IQCM: variants seen among roughly 807,000 people sequenced by gnomAD.
IQCM encodes IQ domain-containing protein M.
Under a neutral mutation model 57.6 loss-of-function variants are expected in IQCM, and 45 were observed. That is an observed-to-expected ratio of 0.78 (90% CI 0.62 to 1.00). IQCM has a LOEUF of 1.00. Ranked by LOEUF, IQCM falls within the 50% of genes least tolerant of loss-of-function variation. The pLI, the probability that IQCM is intolerant of heterozygous loss-of-function variation, is 0.00. For synonymous variants in IQCM, 148 were observed against 158.9 expected (o/e 0.93, Z 0.51); for missense variants, 468 against 511.6 (o/e 0.91, Z 0.82).
chr4:149,367,219 T>A (rs1729905664), intron 13 of IQCM, among the ~76,000 whole-genome samples: 1 of 152,016 alleles, frequency 6.6e-6, no homozygotes, highest in Admixed American at 6.6e-5. Context: ...TTTATAGCAC[T>A]CATTTTTTAA....
chr4:149,445,406 T>C (rs1033161995), intron 12 of IQCM, among the ~76,000 whole-genome samples: 12 of 151,882 alleles, frequency 7.9e-5, no homozygotes, highest in African/African-American at 2.2e-4. Context: ...ATTATCATGC[T>C]TTTTAGTTTG....
chr4:149,481,723 G>GTTTTTTTTTGTTTTTTTTTTTTTTTTT (rs1740903527), intron 12 of IQCM, among the ~76,000 whole-genome samples: 3 of 9,346 alleles, frequency 3.2e-4, no homozygotes, highest in African/African-American at 9.5e-4. Context: ...TTTTTTTTTT[G>GTTTTTTTTTGTTTTTTTTTTTTTTTTT]CTTTTTGCTT....
intron 12 of IQCM, among the ~76,000 whole-genome samples, chr4:149,480,174 TC>T (rs1187709636): frequency 6.6e-6 from 1 of 152,192 alleles, no homozygotes; most frequent in Non-Finnish European, 1.5e-5. Context: ...TTAGTTTTTT[TC>T]TTTTTAATTT....
chr4:149,437,028 A>G (rs1735428534), intron 12 of IQCM, among the ~76,000 whole-genome samples: 1 of 152,128 alleles, frequency 6.6e-6, no homozygotes, highest in East Asian at 1.9e-4. Flanking sequence ...AAGATACTGA[A>G]GCATAGGGAG....
intron 12 of IQCM, among the ~76,000 whole-genome samples, chr4:149,495,792 G>T (rs1742593757): frequency 6.6e-6 from 1 of 152,008 alleles, no homozygotes. Flanking sequence ...AGAAAAGTTT[G>T]GGAAAATACT....
At chr4:149,806,099 A>G (rs1052183517) in intron 2 of IQCM, among the ~76,000 whole-genome samples, 5 of 151,704 alleles carry the variant, frequency 3.3e-5, no homozygotes, top group East Asian at 1.9e-4. Context: ...TTTGATTGTC[A>G]AAATATGCAA....
chr4:149,407,511 A>G (rs923414156), intron 13 of IQCM, among the ~76,000 whole-genome samples: 1 of 151,900 alleles, frequency 6.6e-6, no homozygotes, highest in Non-Finnish European at 1.5e-5. Context: ...CTATTATTCC[A>G]CTCAATGTCC....
chr4:149,514,100 A>AT (rs1479812118), intron 12 of IQCM, among the ~76,000 whole-genome samples: 2 of 152,158 alleles, frequency 1.3e-5, no homozygotes, highest in South Asian at 2.1e-4. Flanking sequence ...GTAAAAAAAA[A>AT]GAAACCAATG....
chr4:149,589,056 C>T (rs915073626), intron 8 of IQCM, among the ~76,000 whole-genome samples: 1 of 151,918 alleles, frequency 6.6e-6, no homozygotes, highest in African/African-American at 2.4e-5. Context: ...AAAAACTGGG[C>T]CATTGCCTGT....
intron 2 of IQCM, among the ~76,000 whole-genome samples, chr4:149,813,938 A>G (rs972422227): frequency 1.3e-5 from 2 of 152,070 alleles, no homozygotes; most frequent in African/African-American, 4.8e-5. Flanking sequence ...CCAAAGCTTC[A>G]TTACAAACCT....
chr4:149,658,827 T>C (rs1347855245), intron 7 of IQCM, among the ~76,000 whole-genome samples: 2 of 152,110 alleles, frequency 1.3e-5, no homozygotes, highest in African/African-American at 2.4e-5. Context: ...GTTGATTTTG[T>C]ATTGTGAAAC....
intron 13 of IQCM, among the ~76,000 whole-genome samples, chr4:149,354,220 C>G (rs11940251): frequency 0.29 from 42,188 of 147,524 alleles, 6,153 homozygotes; most frequent in Middle Eastern, 0.33. Flanking sequence ...AAAAATTAGC[C>G]GGGCGTAGTG....
At chr4:149,633,116 G>C (rs1426895507) in intron 7 of IQCM, among the ~76,000 whole-genome samples, 12 of 139,306 alleles carry the variant, frequency 8.6e-5, no homozygotes, top group Admixed American at 2.3e-4. Flanking sequence ...AGCCGAGATT[G>C]CGCCACTGCA....
At chr4:149,485,593 T>C (rs1741388686) in intron 12 of IQCM, among the ~76,000 whole-genome samples, 1 of 152,086 alleles carries the variant, frequency 6.6e-6, no homozygotes, top group Non-Finnish European at 1.5e-5. Context: ...TACATTTATC[T>C]GACAGAATTC....
intron 7 of IQCM, among the ~76,000 whole-genome samples, chr4:149,630,633 A>G (rs1483993502): frequency 4.6e-5 from 7 of 152,164 alleles, no homozygotes; most frequent in Admixed American, 3.9e-4. Context: ...TACCTTACCT[A>G]TTTTAGCCAA....
At chr4:149,745,768 T>A (rs757462652) in intron 2 of IQCM, among the ~76,000 whole-genome samples, 1 of 152,100 alleles carries the variant, frequency 6.6e-6, no homozygotes, top group Non-Finnish European at 1.5e-5. Context: ...GCCCAGGTGT[T>A]CAACACAAGT....
chr4:149,810,389 G>C (rs1473336521), intron 2 of IQCM, among the ~76,000 whole-genome samples: 1 of 150,140 alleles, frequency 6.7e-6, no homozygotes, highest in Non-Finnish European at 1.5e-5. Context: ...AAGAAAAGTT[G>C]GAGTGCTTAT....
intron 12 of IQCM, among the ~76,000 whole-genome samples, chr4:149,445,162 G>C (rs1445536148): frequency 6.6e-6 from 1 of 151,772 alleles, no homozygotes; most frequent in Non-Finnish European, 1.5e-5. Context: ...GCCTTCAGGG[G>C]CACTTCTTTC....
intron 12 of IQCM, among the ~76,000 whole-genome samples, chr4:149,543,611 T>C (rs1163325495): frequency 3.3e-5 from 5 of 149,436 alleles, no homozygotes; most frequent in South Asian, 2.2e-4. Context: ...AGGGATAGCA[T>C]TGGGAGATAT....
Sources: allele counts gnomAD v4.1 joint callset (sites outside exome capture counted in the v4.1 genomes callset), GRCh38; gene constraint gnomAD v4.1.1; transcripts MANE v1.5; gene names NCBI Gene and HGNC (gene_info 2026-07-23, HGNC 2026-07-21).